The following COL24A1 variants were observed in gnomAD, a reference collection of about 807,000 sequenced individuals.
COL24A1 encodes the protein collagen alpha-1(XXIV) chain.
Under a neutral mutation model 253.9 loss-of-function variants are expected in COL24A1, and 224 were observed. The ratio of observed to expected loss-of-function variants is 0.88; its 90% CI spans 0.79 to 0.99. The LOEUF is 0.99. Among genes scored for constraint, COL24A1 ranks in the 50% least tolerant of loss-of-function variants. The probability of loss-of-function intolerance (pLI) is 0.00; values close to 1 mark genes in which losing one functional copy is unlikely to be tolerated. For synonymous variants in COL24A1, 685 were observed against 673.7 expected (o/e 1.02, Z -0.26); for missense variants, 2,131 against 2,068.5 (o/e 1.03, Z -0.59).
intron 32 of COL24A1, among the ~76,000 whole-genome samples, chr1:85,880,017 C>T (rs745682821): frequency 5.3e-5 from 8 of 152,152 alleles, no homozygotes; most frequent in South Asian, 2.1e-4. Flanking sequence ...GGTCTTTTGC[C>T]TTTCCATAGG....
chr1:86,049,995 G>T, intron 11 of COL24A1, 129 bp downstream of exon 11: 1 of 636,576 alleles, frequency 1.6e-6, no homozygotes, highest in Non-Finnish European at 2.6e-6. Context: ...TTTCTGGCAG[G>T]TGATTTTTCT....
chr1:86,067,676 G>A (rs968923840), intron 7 of COL24A1, among the ~76,000 whole-genome samples: 1 of 152,016 alleles, frequency 6.6e-6, no homozygotes, highest in African/African-American at 2.4e-5. Context: ...ATATACTGAA[G>A]TTATCTCCAC....
intron 56 of COL24A1, among the ~76,000 whole-genome samples, chr1:85,745,206 A>G (rs1448221002): frequency 2.0e-5 from 3 of 152,080 alleles, no homozygotes; most frequent in Admixed American, 6.5e-5. Context: ...AATTCCTTAC[A>G]AATAACAGTA....
intron 19 of COL24A1, among the ~76,000 whole-genome samples, chr1:86,011,430 T>C (rs2101147579): frequency 6.6e-6 from 1 of 152,306 alleles, no homozygotes; most frequent in African/African-American, 2.4e-5. Context: ...CTGGGCTAAC[T>C]CAGATTATTT....
chr1:86,009,471 G>A (rs1696303091), intron 19 of COL24A1, among the ~76,000 whole-genome samples: 1 of 152,116 alleles, frequency 6.6e-6, no homozygotes, highest in Non-Finnish European at 1.5e-5. Context: ...ATAGCCTATT[G>A]CTTCTAGGCT....
At position 85,925,281 on chromosome 1, in the gene COL24A1, G is replaced by C. The variant is rs564076157; in HGVS notation, c.2563-13848C>G. ...TTTATAGATTCAATGCCATCCCCAT[G>C]AAGCTACCAATGACTTTCTTCACGG... is the stretch of plus-strand genomic sequence containing the variant. On this transcript the variant is annotated intron_variant, in intron 24 of 59. Coordinates refer to ENST00000370571, the MANE Select transcript of COL24A1 (RefSeq NM_152890.7). Among the ~76,000 whole-genome samples, 238 of 152,068 alleles carry C rather than the reference G, an allele frequency of 1.6e-3. 1 individual carries two copies. The Middle Eastern group carries it at 0.017, about 11-fold the overall frequency.
Position 85,755,465 on chromosome 1 carries a change from C to T in COL24A1, c.4437+5931G>A, listed in dbSNP as rs536791745. Among the ~76,000 whole-genome samples, 14 of 152,240 alleles carry T rather than the reference C, an allele frequency of 9.2e-5. No individual in the cohort carries two copies. In the South Asian group the frequency reaches 2.7e-3, roughly 29 times the overall value. ...AGAAGTTGTTAGAGGCATCATGTTTCCTGATTTCAAAACTTACTATAAAGC... is the reference window on the plus strand; with the variant it reads ...AGAAGTTGTTAGAGGCATCATGTTTTCTGATTTCAAAACTTACTATAAAGC... On this transcript the variant is annotated intron_variant, in intron 55 of 59. Coordinates refer to ENST00000370571, the MANE Select transcript of COL24A1 (RefSeq NM_152890.7).
At chr1:86,088,734 T>C (rs1034270946) in intron 7 of COL24A1, among the ~76,000 whole-genome samples, 2 of 151,944 alleles carry the variant, frequency 1.3e-5, no homozygotes, top group Non-Finnish European at 2.9e-5. Context: ...CCTTAACAAA[T>C]CCATATGTAT....
intron 45 of COL24A1, among the ~76,000 whole-genome samples, chr1:85,818,675 A>T (rs1673293840): frequency 6.6e-6 from 1 of 152,226 alleles, no homozygotes; most frequent in African/African-American, 2.4e-5. Context: ...TTCAGCAGTA[A>T]TGGGTCTGCC....
At chr1:86,089,684 G>A (rs1026574672) in intron 6 of COL24A1, among the ~76,000 whole-genome samples, 16 of 152,126 alleles carry the variant, frequency 1.1e-4, no homozygotes, top group African/African-American at 3.6e-4. Flanking sequence ...GCCGGGCATG[G>A]TGTCGGGCAC....
intron 5 of COL24A1, among the ~76,000 whole-genome samples, chr1:86,100,311 T>G (rs1199083102): frequency 4.6e-5 from 7 of 152,222 alleles, no homozygotes; most frequent in African/African-American, 1.7e-4. Context: ...GCATTCTTTA[T>G]TTAGTAGCTC....
At position 85,948,387 on chromosome 1, in the gene COL24A1, G is replaced by A. The variant is rs560562117; in HGVS notation, c.2562+12862C>T. Reference sequence around the variant, plus strand: ...AAAATACAAAAAATTAGCCGGGCGTGGTAGCGGGCGCCTGTAGTCCCAGCT... The same window carrying A: ...AAAATACAAAAAATTAGCCGGGCGTAGTAGCGGGCGCCTGTAGTCCCAGCT... On this transcript the variant is annotated intron_variant, in intron 24 of 59. Coordinates refer to ENST00000370571, the MANE Select transcript of COL24A1 (RefSeq NM_152890.7). 6.0e-3 allele frequency among the ~76,000 whole-genome samples: 901 copies of A among 150,986 alleles called. 6 individuals are homozygous for A. The highest frequency in any genetic ancestry group is 0.02 in the African/African-American group (809 of 41,224).
chr1:85,894,411 A>C (rs559857810), intron 31 of COL24A1, among the ~76,000 whole-genome samples: 1 of 152,326 alleles, frequency 6.6e-6, no homozygotes, highest in South Asian at 2.1e-4. Flanking sequence ...ATGTTTATAC[A>C]GGCATACATT....
In COL24A1 at chr1:85,868,926, A is replaced by G. The variant is rs1033941084; in HGVS notation, c.3139-91T>C. The G allele has an allele frequency of 1.7e-4, 140 of 819,580 alleles. 1 individual carries two copies. Among genetic ancestry groups the G allele is most frequent in the Non-Finnish European group, 1.7e-4 (88 of 530,900 alleles). 50.8% of individuals were successfully genotyped at this position (819,580 alleles called of 1,614,324 possible). A position where few individuals can be genotyped will look rare whatever the true frequency, so the allele number is the denominator to read the frequency against. ...TTAGCCCATAGTATATATGGAAAAT[A>G]GCAAATTTGTGTTCACTTATTTCTA... On this transcript the variant is annotated intron_variant, in intron 35 of 59. Coordinates refer to ENST00000370571, the MANE Select transcript of COL24A1 (RefSeq NM_152890.7).
chr1:85,933,216 G>C (rs1687951486), intron 24 of COL24A1, among the ~76,000 whole-genome samples: 2 of 151,922 alleles, frequency 1.3e-5, no homozygotes, highest in African/African-American at 4.8e-5. Flanking sequence ...CATGAAAACT[G>C]CTAAAGGATG....
intron 47 of COL24A1, among the ~76,000 whole-genome samples, chr1:85,794,374 C>G (rs1670607515): frequency 6.6e-6 from 1 of 152,160 alleles, no homozygotes; most frequent in Non-Finnish European, 1.5e-5. Flanking sequence ...ACTGACCACT[C>G]TTGAAGTCAA....
chr1:86,069,432 C>A (rs1213502786), intron 7 of COL24A1, among the ~76,000 whole-genome samples: 2 of 152,086 alleles, frequency 1.3e-5, no homozygotes, highest in Admixed American at 1.3e-4. Flanking sequence ...GGGAGTTTAG[C>A]CATAGTAGAG....
intron 47 of COL24A1, among the ~76,000 whole-genome samples, chr1:85,815,421 T>G (rs1672959917): frequency 6.6e-6 from 1 of 152,174 alleles, no homozygotes; most frequent in African/African-American, 2.4e-5. Context: ...TTATTTTAAT[T>G]AAAAACTTTG....
At chr1:86,119,752 A>C (rs908512259) in intron 3 of COL24A1, among the ~76,000 whole-genome samples, 2 of 152,152 alleles carry the variant, frequency 1.3e-5, no homozygotes, top group Non-Finnish European at 2.9e-5. Context: ...AGTTGCCTTT[A>C]TTTTAAAAAT....
Sources: gnomAD v4.1 joint callset for allele counts (sites outside exome capture counted in the v4.1 genomes callset) on GRCh38, gnomAD v4.1.1 for gene constraint, MANE v1.5 for transcripts, NCBI Gene and HGNC (gene_info 2026-07-23, HGNC 2026-07-21) for gene names.